The following RBFOX1 variants were observed in gnomAD, a reference collection of about 807,000 sequenced individuals.
RBFOX1 encodes the protein RNA binding protein fox-1 homolog 1.
Under a neutral mutation model 57.7 loss-of-function variants are expected in RBFOX1, and 8 were observed. The observed-to-expected ratio is 0.14, with a 90% CI of 0.08 to 0.25. The LOEUF (loss-of-function observed/expected upper bound fraction) is 0.25. Among genes scored for constraint, RBFOX1 ranks in the 10% least tolerant of loss-of-function variants. The probability of loss-of-function intolerance (pLI) is 1.00; values close to 1 mark genes in which losing one functional copy is unlikely to be tolerated. For synonymous variants in RBFOX1, 326 were observed against 222.4 expected (o/e 1.47, Z -4.15); for missense variants, 611 against 548.5 (o/e 1.11, Z -1.14).
chr16:7,365,260 G>A (rs1317533946), intron 4 of RBFOX1, among the ~76,000 whole-genome samples: 1 of 152,140 alleles, frequency 6.6e-6, no homozygotes. Flanking sequence ...CACTCAATGG[G>A]GTAATAAATA....
chr16:7,323,922 G>A (rs1427923213), intron 4 of RBFOX1, among the ~76,000 whole-genome samples: 8 of 143,118 alleles, frequency 5.6e-5, no homozygotes, highest in East Asian at 2.0e-4. Context: ...GTGGGTAGAC[G>A]GATGGGTGGA....
intron 2 of RBFOX1, among the ~76,000 whole-genome samples, chr16:5,512,019 A>G (rs2043609631): frequency 6.6e-6 from 1 of 152,252 alleles, no homozygotes; most frequent in South Asian, 2.1e-4. Flanking sequence ...CTCTGATTTC[A>G]AAGGACCCCA....
chr16:6,087,192 C>T (rs1388579814), intron 1 of RBFOX1, among the ~76,000 whole-genome samples: 1 of 152,144 alleles, frequency 6.6e-6, no homozygotes, highest in African/African-American at 2.4e-5. Flanking sequence ...CGTTAGAACG[C>T]CTGCCAGGTG....
At chr16:7,225,592 A>G (rs2093044442) in intron 4 of RBFOX1, among the ~76,000 whole-genome samples, 2 of 151,770 alleles carry the variant, frequency 1.3e-5, no homozygotes, top group African/African-American at 4.8e-5. Flanking sequence ...ATGTGAGATG[A>G]TGAGATTGTG....
intron 4 of RBFOX1, among the ~76,000 whole-genome samples, chr16:7,171,208 C>G (rs1367084772): frequency 2.0e-5 from 3 of 152,202 alleles, no homozygotes; most frequent in African/African-American, 7.2e-5. Context: ...CCAGTACTAA[C>G]TCCCAGGTCT....
chr16:6,318,440 T>C (rs1195243066), intron 2 of RBFOX1, among the ~76,000 whole-genome samples: 3 of 152,194 alleles, frequency 2.0e-5, no homozygotes, highest in Non-Finnish European at 2.9e-5. Flanking sequence ...CTTGATCTTT[T>C]TCTGTTTAAA....
chr16:6,491,205 A>G (rs960105131), intron 2 of RBFOX1, among the ~76,000 whole-genome samples: 1 of 151,588 alleles, frequency 6.6e-6, no homozygotes, highest in Non-Finnish European at 1.5e-5. Context: ...TAAACTATAT[A>G]TAGATATATA....
intron 1 of RBFOX1, among the ~76,000 whole-genome samples, chr16:6,068,519 G>A (rs1331491469): frequency 1.3e-5 from 2 of 152,088 alleles, no homozygotes; most frequent in African/African-American, 4.8e-5. Context: ...TTTTATTGGG[G>A]TTGTGAAGAT....
chr16:5,599,359 G>A, exon 3 of RBFOX1: 1 of 605,544 alleles, frequency 1.7e-6, no homozygotes, highest in Non-Finnish European at 2.9e-6. Flanking sequence ...GGACAGGAAT[G>A]CTTACTGAGT....
intron 4 of RBFOX1, among the ~76,000 whole-genome samples, chr16:7,432,872 T>G (rs2098693120): frequency 6.6e-6 from 1 of 152,214 alleles, no homozygotes; most frequent in South Asian, 2.1e-4. Context: ...CATCTCTGTT[T>G]TCAGGCCATC....
chr16:5,940,302 G>T (rs1351958910), intron 4 of RBFOX1, among the ~76,000 whole-genome samples: 1 of 152,152 alleles, frequency 6.6e-6, no homozygotes, highest in African/African-American at 2.4e-5. Flanking sequence ...TGAACTAGAT[G>T]GTCCCTAAAG....
At chr16:5,444,640 C>T (rs1008631911) in intron 1 of RBFOX1, among the ~76,000 whole-genome samples, 1 of 152,076 alleles carries the variant, frequency 6.6e-6, no homozygotes, top group Non-Finnish European at 1.5e-5. Context: ...GAGCTAGTGG[C>T]ATGGCTATAC....
intron 1 of RBFOX1, among the ~76,000 whole-genome samples, chr16:5,246,968 G>C (rs546273659): frequency 2.0e-5 from 3 of 152,274 alleles, no homozygotes; most frequent in East Asian, 1.9e-4. Flanking sequence ...ACCATGCCTC[G>C]CTGAGTTCAA....
chr16:7,055,322 A>G (rs1052035490), intron 4 of RBFOX1, among the ~76,000 whole-genome samples: 4 of 152,196 alleles, frequency 2.6e-5, no homozygotes, highest in Non-Finnish European at 4.4e-5. Flanking sequence ...TCTGTGAGTT[A>G]TAGACAAGCT....
chr16:6,610,659 C>T (rs964950877), intron 2 of RBFOX1, among the ~76,000 whole-genome samples: 5 of 152,178 alleles, frequency 3.3e-5, no homozygotes, highest in African/African-American at 1.2e-4. Flanking sequence ...TATACATTAA[C>T]TCAGGTGAGC....
chr16:7,221,928 T>C (rs2092761072), intron 4 of RBFOX1, among the ~76,000 whole-genome samples: 2 of 151,982 alleles, frequency 1.3e-5, no homozygotes, highest in Non-Finnish European at 1.5e-5. Context: ...GGGTAGAAAA[T>C]GATGAAATGC....
At chr16:5,559,910 C>G (rs1321389519) in intron 2 of RBFOX1, among the ~76,000 whole-genome samples, 1 of 152,044 alleles carries the variant, frequency 6.6e-6, no homozygotes, top group Non-Finnish European at 1.5e-5. Context: ...ATCCTTTATT[C>G]TTCCTCACCC....
intron 4 of RBFOX1, among the ~76,000 whole-genome samples, chr16:7,444,834 C>G (rs892299764): frequency 2.2e-4 from 34 of 152,140 alleles, no homozygotes; most frequent in Non-Finnish European, 7.4e-5. Flanking sequence ...GCCCCACTGA[C>G]ATTTTACTCT....
intron 2 of RBFOX1, among the ~76,000 whole-genome samples, chr16:6,373,888 C>G (rs1204660632): frequency 2.0e-5 from 3 of 152,192 alleles, no homozygotes; most frequent in East Asian, 3.9e-4. Flanking sequence ...ATTTTGGTTC[C>G]TTTTTGTCTT....
Sources: allele counts gnomAD v4.1 joint callset (sites outside exome capture counted in the v4.1 genomes callset), GRCh38; gene constraint gnomAD v4.1.1; transcripts MANE v1.5; gene names NCBI Gene and HGNC (gene_info 2026-07-23, HGNC 2026-07-21).